The following ZNF804A variants were observed in gnomAD, a reference collection of about 807,000 sequenced individuals.
ZNF804A encodes the protein zinc finger protein 804A.
ZNF804A carries 2 observed loss-of-function variants against 16.5 expected under a neutral mutation model. The observed-to-expected ratio is 0.12, with a 90% confidence interval of 0.05 to 0.38. The LOEUF is 0.38. Among genes scored for constraint, ZNF804A ranks in the 10% least tolerant of loss-of-function variants. The pLI, the probability that ZNF804A is intolerant of heterozygous loss-of-function variation, is 0.99. For synonymous variants in ZNF804A, 534 were observed against 489.6 expected, an observed-to-expected ratio of 1.09 and a Z score of -1.20; for missense variants, 1,473 against 1,390.7, an observed-to-expected ratio of 1.06 and a Z score of -0.94.
At chr2:184,652,951 T>C (rs1259618635) in intron 1 of ZNF804A, among the ~76,000 whole-genome samples, 1 of 152,154 alleles carries the variant, frequency 6.6e-6, no homozygotes, top group Non-Finnish European at 1.5e-5. Flanking sequence ...GATTGTAGGT[T>C]TCCTGAGGCC....
intron 2 of ZNF804A, among the ~76,000 whole-genome samples, chr2:184,885,867 G>A (rs2105819827): frequency 6.6e-6 from 1 of 152,248 alleles, no homozygotes; most frequent in East Asian, 1.9e-4. Context: ...AATTCTGAGA[G>A]ATACAATTTA....
chr2:184,896,355 C>G (rs986096460), intron 2 of ZNF804A, among the ~76,000 whole-genome samples: 10 of 151,614 alleles, frequency 6.6e-5, no homozygotes, highest in Admixed American at 1.3e-4. Context: ...CATGAAGCAT[C>G]TTCATGTTAT....
chr2:184,605,156 T>G (rs1472319384), intron 1 of ZNF804A, among the ~76,000 whole-genome samples: 1 of 152,164 alleles, frequency 6.6e-6, no homozygotes, highest in Non-Finnish European at 1.5e-5. Flanking sequence ...TAGTTTCCTA[T>G]CGTGTCCATT....
At position 184,841,015 on chromosome 2, in the gene ZNF804A, A is replaced by G. The variant is rs577040638; in HGVS notation, c.112-25354A>G. The stretch of plus-strand genomic sequence containing the variant: ...GAAATTCAGTGAGTTTTTCAGATTC[A>G]TGAAGGTTTTCAGTTATCTTTGCCT... On this transcript the variant is annotated intron_variant, in intron 1 of 3. Coordinates refer to ENST00000302277, the MANE Select transcript of ZNF804A (RefSeq NM_194250.2). Among the ~76,000 whole-genome samples the G allele has an allele frequency of 3.9e-5, 6 of 152,264 alleles. No individual in the cohort carries two copies. The East Asian group carries it at 1.2e-3, about 29-fold the overall frequency.
At chr2:184,655,505 T>C (rs1692061712) in intron 1 of ZNF804A, among the ~76,000 whole-genome samples, 1 of 152,204 alleles carries the variant, frequency 6.6e-6, no homozygotes, top group African/African-American at 2.4e-5. Context: ...GGAAGTTTGT[T>C]GCATTTAAAT....
intron 1 of ZNF804A, among the ~76,000 whole-genome samples, chr2:184,863,641 G>A (rs1695832645): frequency 6.6e-6 from 1 of 151,786 alleles, no homozygotes; most frequent in African/African-American, 2.4e-5. Flanking sequence ...TAATGAATGG[G>A]GAAAATCAAC....
intron 2 of ZNF804A, among the ~76,000 whole-genome samples, chr2:184,898,123 A>G (rs1175891980): frequency 6.6e-6 from 1 of 152,126 alleles, no homozygotes; most frequent in Admixed American, 6.6e-5. Flanking sequence ...ACATCTAAAC[A>G]TGTCAGTTTT....
chr2:184,739,051 CTT>C (rs1693675573), intron 1 of ZNF804A, among the ~76,000 whole-genome samples: 2 of 152,116 alleles, frequency 1.3e-5, no homozygotes, highest in African/African-American at 4.8e-5. Flanking sequence ...ACAATAATAA[CTT>C]TGACTCCATA....
intron 1 of ZNF804A, among the ~76,000 whole-genome samples, chr2:184,790,749 G>A (rs1160682723): frequency 1.3e-5 from 2 of 151,866 alleles, no homozygotes; most frequent in East Asian, 1.9e-4. Context: ...GACTACAGGC[G>A]CCTGCCACAA....
chr2:184,720,741 G>A (rs993956458), intron 1 of ZNF804A, among the ~76,000 whole-genome samples: 2 of 152,064 alleles, frequency 1.3e-5, no homozygotes, highest in African/African-American at 4.8e-5. Context: ...ATTTTTCACA[G>A]AGATAGAACA....
At chr2:184,736,906 A>G (rs1693624979) in intron 1 of ZNF804A, among the ~76,000 whole-genome samples, 1 of 149,140 alleles carries the variant, frequency 6.7e-6, no homozygotes, top group Non-Finnish European at 1.5e-5. Context: ...TTCCAGTACT[A>G]TACTAAATAG....
intron 1 of ZNF804A, among the ~76,000 whole-genome samples, chr2:184,692,659 ATCTG>A (rs1302145944): frequency 7.9e-5 from 12 of 152,310 alleles, no homozygotes; most frequent in African/African-American, 1.9e-4. Flanking sequence ...GACACCAGAA[ATCTG>A]TCTATTTTAT....
chr2:184,732,005 A>G (rs765598222), intron 1 of ZNF804A, among the ~76,000 whole-genome samples: 18 of 152,062 alleles, frequency 1.2e-4, no homozygotes, highest in Non-Finnish European at 2.2e-4. Flanking sequence ...TTTGAATTGT[A>G]TTTTTATCCT....
intron 1 of ZNF804A, among the ~76,000 whole-genome samples, chr2:184,856,862 G>A (rs1266525255): frequency 6.6e-6 from 1 of 151,990 alleles, no homozygotes; most frequent in Non-Finnish European, 1.5e-5. Flanking sequence ...AAAATTTTAA[G>A]TCCAAAACAC....
At chr2:184,626,765 T>A (rs1691507505) in intron 1 of ZNF804A, among the ~76,000 whole-genome samples, 1 of 152,214 alleles carries the variant, frequency 6.6e-6, no homozygotes, top group African/African-American at 2.4e-5. Context: ...TTGAAATATT[T>A]TGATAGAATC....
chr2:184,748,276 C>T (rs551218512), intron 1 of ZNF804A, among the ~76,000 whole-genome samples: 2 of 141,604 alleles, frequency 1.4e-5, no homozygotes, highest in African/African-American at 5.2e-5. Flanking sequence ...TCCATAGCCT[C>T]ACTAACATCT....
chr2:184,900,727 A>T (rs977428560), intron 2 of ZNF804A, among the ~76,000 whole-genome samples: 1 of 152,164 alleles, frequency 6.6e-6, no homozygotes, highest in African/African-American at 2.4e-5. Context: ...GATACAGGAC[A>T]CAGATTTGAC....
At chr2:184,876,110 C>T (rs1251378594) in intron 2 of ZNF804A, among the ~76,000 whole-genome samples, 1 of 152,056 alleles carries the variant, frequency 6.6e-6, no homozygotes, top group African/African-American at 2.4e-5. Flanking sequence ...TTGTTCTGCC[C>T]CAGAGGAAGT....
At chr2:184,785,587 C>T (rs1233165400) in intron 1 of ZNF804A, among the ~76,000 whole-genome samples, 1 of 151,908 alleles carries the variant, frequency 6.6e-6, no homozygotes, top group African/African-American at 2.4e-5. Context: ...ACATAGAAGT[C>T]ATTCACCAGA....
Sources: gnomAD v4.1 joint callset for allele counts (sites outside exome capture counted in the v4.1 genomes callset) on GRCh38, gnomAD v4.1.1 for gene constraint, MANE v1.5 for transcripts, NCBI Gene and HGNC (gene_info 2026-07-23, HGNC 2026-07-21) for gene names.